The following PLXNC1 variants were observed in gnomAD, a reference collection of about 807,000 sequenced individuals.
PLXNC1 encodes the protein plexin-C1.
Under a neutral mutation model 178.2 loss-of-function variants are expected in PLXNC1, and 75 were observed. The observed-to-expected ratio is 0.42, with a 90% CI of 0.35 to 0.51. The LOEUF (loss-of-function observed/expected upper bound fraction) is 0.51, where lower values mean the gene tolerates loss of function less well. Ranked by LOEUF, PLXNC1 falls within the 20% of genes least tolerant of loss-of-function variation. PLXNC1 has a pLI of 0.02. For missense variants in PLXNC1, 1,503 were observed against 1,984.4 expected (o/e 0.76, Z 4.61); for synonymous variants, 790 against 779.9 (o/e 1.01, Z -0.22).
intron 4 of PLXNC1, among the ~76,000 whole-genome samples, chr12:94,191,062 A>G (rs537547155): frequency 6.6e-6 from 1 of 152,360 alleles, no homozygotes; most frequent in Admixed American, 6.5e-5. Flanking sequence ...GCTCAGAAAA[A>G]CATAAGTTAA....
At chr12:94,192,469 A>G (rs1306770139) in intron 4 of PLXNC1, among the ~76,000 whole-genome samples, 4 of 151,428 alleles carry the variant, frequency 2.6e-5, no homozygotes, top group African/African-American at 9.7e-5. Context: ...GTAATGCTGT[A>G]TAACAAACAA....
intron 9 of PLXNC1, among the ~76,000 whole-genome samples, chr12:94,232,919 T>A (rs530170805): frequency 2.0e-4 from 31 of 152,064 alleles, no homozygotes; most frequent in African/African-American, 7.2e-4. Context: ...CTCAACAGAG[T>A]TTTAACCATT....
intron 24 of PLXNC1, among the ~76,000 whole-genome samples, chr12:94,295,341 C>T (rs1967800454): frequency 6.6e-6 from 1 of 152,202 alleles, no homozygotes; most frequent in Non-Finnish European, 1.5e-5. Flanking sequence ...AACCCACCTT[C>T]CATCACTATA....
chr12:94,190,928 T>C (rs1478526300), intron 4 of PLXNC1, among the ~76,000 whole-genome samples: 1 of 152,242 alleles, frequency 6.6e-6, no homozygotes, highest in Non-Finnish European at 1.5e-5. Flanking sequence ...CACATCTCTC[T>C]GCACCTGCCT....
intron 21 of PLXNC1, among the ~76,000 whole-genome samples, chr12:94,265,831 T>C (rs1965202014): frequency 6.6e-6 from 1 of 151,580 alleles, no homozygotes; most frequent in Non-Finnish European, 1.5e-5. Flanking sequence ...AGAACTTCTT[T>C]CTAATTCATC....
In PLXNC1 at chr12:94,294,507, A is replaced by G. The variant is rs1967708824; in HGVS notation, c.3901A>G (p.Lys1301Glu). ...TCAGATATCAAATGGATCCACTATA[A>G]AAGTCTTTAAGAAGATAGCAAATTT... ...HYEISNGSTI[K>E]VFKKIANFTS... is the part of the protein sequence containing the mutation. Residue 1301 changes from lysine (K) to glutamate (E), a missense_variant, in exon 24 of 31, where the codon AAA (lysine) becomes GAA (glutamate). This residue lies in a region of PLXNC1 where 639 missense variants were observed against 979.7 expected (regional missense o/e 0.65). Coordinates refer to ENST00000258526, the MANE Select transcript of PLXNC1 (RefSeq NM_005761.3). 3.0e-6 allele frequency: 4 copies of G among 1,325,638 alleles called. No individual in the cohort carries two copies. The highest frequency in any genetic ancestry group is 2.4e-5 in the South Asian group (2 of 83,348). 82.1% of individuals were successfully genotyped at this position (1,325,638 alleles called of 1,614,324 possible).
intron 23 of PLXNC1, among the ~76,000 whole-genome samples, chr12:94,290,307 G>A (rs927017679): frequency 6.6e-6 from 1 of 151,638 alleles, no homozygotes; most frequent in Admixed American, 6.5e-5. Flanking sequence ...GTATTGCTAA[G>A]GGGGTGCCTG....
chr12:94,161,967 A>G (rs1961399552), intron 1 of PLXNC1, among the ~76,000 whole-genome samples: 1 of 152,246 alleles, frequency 6.6e-6, no homozygotes, highest in African/African-American at 2.4e-5. Context: ...TTTGATAAGC[A>G]TTTATTGACA....
In PLXNC1 at chr12:94,161,131, T is replaced by C. The variant is rs1490180199; in HGVS notation, c.1063-8022T>C. ...TCATGGATTCCCTGAATTCTGTTCA[T>C]GAACTGTGGATATCAGTGGAGCCCC... On this transcript the variant is annotated intron_variant, in intron 1 of 30. Coordinates refer to ENST00000258526, the MANE Select transcript of PLXNC1 (RefSeq NM_005761.3). Among the ~76,000 whole-genome samples the C allele has an allele frequency of 2.6e-5, 4 of 152,326 alleles. No homozygotes were observed. The East Asian group carries it at 5.8e-4, about 22-fold the overall frequency.
Position 94,209,721 on chromosome 12 carries a change from T to A in PLXNC1, c.1554+17T>A. ...AAAGAAAAGGTAAGAGGAAAGATTTTAATTTGTCCTCGTTGTATTGTCTCA... is the reference window on the plus strand; with the variant it reads ...AAAGAAAAGGTAAGAGGAAAGATTTAAATTTGTCCTCGTTGTATTGTCTCA... On this transcript the variant is annotated intron_variant, in intron 5 of 30. Coordinates refer to ENST00000258526, the MANE Select transcript of PLXNC1 (RefSeq NM_005761.3). 2 of 1,427,456 alleles carry A rather than the reference T, an allele frequency of 1.4e-6. No homozygotes were observed. Among genetic ancestry groups the A allele is most frequent in the Non-Finnish European group, 2.0e-6 (2 of 1,010,904 alleles). 88.4% of individuals were successfully genotyped at this position (1,427,456 alleles called of 1,614,324 possible). A position where few individuals can be genotyped will look rare whatever the true frequency, so the allele number is the denominator to read the frequency against.
rs191371389 is a variant in PLXNC1 at position 94,224,115 on chromosome 12, C to T, written c.1703-113C>T. 2.0e-4 allele frequency: 146 copies of T among 734,544 alleles called. No homozygotes were observed. In the Admixed American group the frequency reaches 2.6e-3, roughly 13 times the overall value. 45.5% of individuals were successfully genotyped at this position (734,544 alleles called of 1,614,324 possible). ...GAAATGTTAGCAAACAGCTGGCACG[C>T]TCCTGCCCACTATGCAGAGGAAGCA... On this transcript the variant is annotated intron_variant, in intron 6 of 30. Coordinates refer to ENST00000258526, the MANE Select transcript of PLXNC1 (RefSeq NM_005761.3).
chr12:94,212,500 G>A (rs1229968344), intron 5 of PLXNC1, among the ~76,000 whole-genome samples: 123 of 85,728 alleles, frequency 1.4e-3, no homozygotes, highest in African/African-American at 5.5e-3. Flanking sequence ...GGCAGGCCCC[G>A]GTGTGTGATG....
intron 7 of PLXNC1, among the ~76,000 whole-genome samples, chr12:94,225,797 A>ACC (rs941863770): frequency 1.9e-4 from 29 of 151,956 alleles, no homozygotes; most frequent in African/African-American, 7.0e-4. Context: ...CAAATCACAA[A>ACC]CCCGTGTCTA....
intron 3 of PLXNC1, among the ~76,000 whole-genome samples, chr12:94,184,912 A>C (rs1962454756): frequency 6.6e-6 from 1 of 152,234 alleles, no homozygotes. Context: ...CCCTGTGCTA[A>C]GGAAACCCGT....
intron 9 of PLXNC1, 65 bp downstream of exon 9, chr12:94,227,300 A>G (rs1963971587): frequency 1.1e-6 from 1 of 916,090 alleles, no homozygotes; most frequent in Admixed American, 2.0e-5. Flanking sequence ...ACCACAACTC[A>G]TACTACTTTG....
In PLXNC1 at chr12:94,209,606, G is replaced by T; in HGVS notation, c.1456G>T (p.Asp486Tyr). 2 of 1,611,670 alleles carry T rather than the reference G, an allele frequency of 1.2e-6. No individual in the cohort carries two copies. The highest frequency in any genetic ancestry group is 1.7e-6 in the Non-Finnish European group (2 of 1,177,838). The part of the protein sequence containing the change: ...HSLQRCTFQG[D>Y]CVHSENLENW... ...TTTTTTTAGGTGCACTTTTCAAGGA[G>T]ATTGTGTACATTCAGAGAACTTAGA... Residue 486 changes from aspartate (D) to tyrosine (Y), a missense_variant, in exon 5 of 31, where the codon GAT becomes TAT. Transcript: ENST00000258526.
At chr12:94,160,419 C>A (rs1379316342) in intron 1 of PLXNC1, among the ~76,000 whole-genome samples, 1 of 152,200 alleles carries the variant, frequency 6.6e-6, no homozygotes, top group Non-Finnish European at 1.5e-5. Context: ...TTCCTTTTGA[C>A]TCCCTTCCCA....
intron 17 of PLXNC1, among the ~76,000 whole-genome samples, chr12:94,256,688 A>G (rs1379834743): frequency 6.6e-6 from 1 of 152,222 alleles, no homozygotes; most frequent in East Asian, 1.9e-4. Flanking sequence ...GACTATCAAC[A>G]TGAATGCTGT....
chr12:94,246,090 C>A (rs1022260565), intron 12 of PLXNC1, among the ~76,000 whole-genome samples: 1 of 152,202 alleles, frequency 6.6e-6, no homozygotes, highest in Non-Finnish European at 1.5e-5. Context: ...TGGGAAACCA[C>A]GAGAAAAGAA....
Sources: allele counts gnomAD v4.1 joint callset (sites outside exome capture counted in the v4.1 genomes callset), GRCh38; gene constraint gnomAD v4.1.1; regional missense constraint gnomAD v4.1.1; transcripts MANE v1.5; gene names NCBI Gene and HGNC (gene_info 2026-07-23, HGNC 2026-07-21).